The following ZNF560 variants were observed in gnomAD, a reference collection of about 807,000 sequenced individuals.
ZNF560 encodes the protein zinc finger protein 560.
Under a neutral mutation model 81.8 loss-of-function variants are expected in ZNF560, and 54 were observed. The ratio of observed to expected loss-of-function variants is 0.66; its 90% confidence interval spans 0.53 to 0.83. The LOEUF is 0.83. Ranked by LOEUF, ZNF560 falls within the 40% of genes least tolerant of loss-of-function variation. ZNF560 has a pLI of 0.00. For missense variants in ZNF560, 940 were observed against 932.4 expected (o/e 1.01, Z -0.11); for synonymous variants, 321 against 317.9 (o/e 1.01, Z -0.10).
At chr19:9,482,317 T>G (rs1401075224) in intron 2 of ZNF560, among the ~76,000 whole-genome samples, 8 of 151,954 alleles carry the variant, frequency 5.3e-5, no homozygotes, top group African/African-American at 1.9e-4. Flanking sequence ...GAGAAATACC[T>G]AATGTAAATG....
rs745694738 is a variant in ZNF560 at position 9,470,256 on chromosome 19, T to G, written c.448+136A>C. ...CTGTCTCTGTTATTTCCTATTTTAC[T>G]CATTAAAAAAAATTTTTTTTCAGTG... On this transcript the variant is annotated intron_variant, in intron 7 of 9. Coordinates refer to ENST00000301480, the MANE Select transcript of ZNF560 (RefSeq NM_152476.3). 8 of 994,656 alleles carry G rather than the reference T, an allele frequency of 8.0e-6. No homozygotes were observed. In the African/African-American group the frequency reaches 9.8e-5, roughly 12 times the overall value. 61.6% of individuals were successfully genotyped at this position (994,656 alleles called of 1,614,324 possible).
At chr19:9,451,434 CTG>C in the ZNF560 span, among the ~76,000 whole-genome samples, 1 of 152,176 alleles carries the variant, frequency 6.6e-6, no homozygotes, top group Admixed American at 6.5e-5. Flanking sequence ...AAGAATAAAA[CTG>C]GATCCCTACC....
At chr19:9,452,791 C>T in the ZNF560 span, among the ~76,000 whole-genome samples, 6 of 152,166 alleles carry the variant, frequency 3.9e-5, no homozygotes, top group African/African-American at 1.4e-4. Flanking sequence ...GAAAAACTAC[C>T]TACAGGATAC....
intron 6 of ZNF560, 42 bp downstream of exon 6, chr19:9,471,254 C>T (rs774526092): frequency 5.6e-6 from 8 of 1,432,422 alleles, no homozygotes; most frequent in Non-Finnish European, 7.7e-6. Flanking sequence ...TCCCAATATT[C>T]TCTGAGTGTG....
chr19:9,481,272 C>G (rs952462238), intron 2 of ZNF560, among the ~76,000 whole-genome samples: 2 of 152,046 alleles, frequency 1.3e-5, no homozygotes, highest in African/African-American at 4.8e-5. Context: ...AAAATTAATT[C>G]AAGATGGATT....
At chr19:9,487,035 T>C (rs1311592914) in intron 2 of ZNF560, among the ~76,000 whole-genome samples, 2 of 150,150 alleles carry the variant, frequency 1.3e-5, no homozygotes, top group Admixed American at 6.7e-5. Context: ...TTTTCCCTTG[T>C]CTTTACCTAT....
intron 2 of ZNF560, among the ~76,000 whole-genome samples, chr19:9,477,555 T>C (rs933444924): frequency 3.3e-5 from 5 of 152,228 alleles, no homozygotes; most frequent in South Asian, 2.1e-4. Flanking sequence ...GGGTTCCAAG[T>C]AGAACACTGA....
downstream of ZNF560, among the ~76,000 whole-genome samples, chr19:9,465,129 A>ATTTTT (rs887659069): frequency 4.4e-3 from 573 of 129,472 alleles, 7 homozygotes; most frequent in Non-Finnish European, 6.9e-3. Flanking sequence ...AAAGCTATTG[A>ATTTTT]TTTTTTTTTT....
the ZNF560 span, among the ~76,000 whole-genome samples, chr19:9,456,358 G>A: frequency 1.3e-5 from 2 of 152,164 alleles, no homozygotes; most frequent in East Asian, 1.9e-4. Context: ...GGATTGTAAC[G>A]GGGAAATTCA....
At chr19:9,501,970 T>C (rs1347287145), upstream of ZNF560, among the ~76,000 whole-genome samples, 1 of 151,590 alleles carries the variant, frequency 6.6e-6, no homozygotes, top group African/African-American at 2.4e-5. Context: ...CTGGCCAACA[T>C]GGTGAAAGCC....
chr19:9,487,835 C>A (rs2073409466), intron 2 of ZNF560, among the ~76,000 whole-genome samples: 1 of 152,150 alleles, frequency 6.6e-6, no homozygotes, highest in South Asian at 2.1e-4. Flanking sequence ...AATGCTGAGG[C>A]ATCAAGAAAA....
At chr19:9,454,432 G>A in the ZNF560 span, among the ~76,000 whole-genome samples, 1 of 152,308 alleles carries the variant, frequency 6.6e-6, no homozygotes, top group East Asian at 1.9e-4. Context: ...GGGTCGAAGG[G>A]TCGCCAGAGC....
chr19:9,503,326 T>G (rs2073646529), upstream of ZNF560, among the ~76,000 whole-genome samples: 1 of 152,202 alleles, frequency 6.6e-6, no homozygotes, highest in African/African-American at 2.4e-5. Flanking sequence ...TTTTCTTTTG[T>G]AATTTGTTTT....
chr19:9,459,921 A>G, the ZNF560 span, among the ~76,000 whole-genome samples: 2 of 152,076 alleles, frequency 1.3e-5, no homozygotes, highest in African/African-American at 4.8e-5. Context: ...GGGACCCAGG[A>G]CATGTTCCAA....
At chr19:9,491,989 C>A (rs1439435580) in intron 2 of ZNF560, among the ~76,000 whole-genome samples, 7 of 9,660 alleles carry the variant, frequency 7.2e-4, no homozygotes, top group Non-Finnish European at 1.2e-3. Context: ...TTTTTCTTTT[C>A]TTTTGGGGGG....
intron 2 of ZNF560, among the ~76,000 whole-genome samples, chr19:9,497,632 C>T (rs1202844865): frequency 6.6e-6 from 1 of 151,476 alleles, no homozygotes; most frequent in African/African-American, 2.4e-5. Flanking sequence ...TACGAGACGG[C>T]GAATACACAA....
intron 6 of ZNF560, among the ~76,000 whole-genome samples, chr19:9,470,828 G>A (rs1347027853): frequency 2.0e-5 from 3 of 152,130 alleles, no homozygotes; most frequent in Non-Finnish European, 2.9e-5. Flanking sequence ...TGATAAATGA[G>A]GATATGGATA....
intron 2 of ZNF560, among the ~76,000 whole-genome samples, chr19:9,490,314 A>G (rs2073451113): frequency 6.6e-6 from 1 of 152,210 alleles, no homozygotes; most frequent in Admixed American, 6.5e-5. Flanking sequence ...CCCTGTTTCA[A>G]TGGGGATGAT....
the ZNF560 span, among the ~76,000 whole-genome samples, chr19:9,456,043 T>TAA: frequency 6.6e-6 from 1 of 152,216 alleles, no homozygotes; most frequent in Non-Finnish European, 1.5e-5. Flanking sequence ...CTAAATTTGA[T>TAA]AAAGACGGAA....
Sources: gnomAD v4.1 joint callset for allele counts (sites outside exome capture counted in the v4.1 genomes callset) on GRCh38, gnomAD v4.1.1 for gene constraint, MANE v1.5 for transcripts, NCBI Gene and HGNC (gene_info 2026-07-23, HGNC 2026-07-21) for gene names.